The following SVEP1 variants were observed in gnomAD, a reference collection of about 807,000 sequenced individuals.
SVEP1 encodes sushi, von Willebrand factor type A, EGF and pentraxin domain-containing protein 1.
A neutral mutation model predicts 367.3 loss-of-function variants in SVEP1; 164 were observed. That is an observed-to-expected ratio of 0.45 (90% confidence interval 0.39 to 0.51). The LOEUF is 0.51. Ranked by LOEUF, SVEP1 falls within the 20% of genes least tolerant of loss-of-function variation. The pLI, the probability that SVEP1 is intolerant of heterozygous loss-of-function variation, is 0.00. For synonymous variants in SVEP1, 1,666 were observed against 1,611.6 expected (o/e 1.03, Z -0.81); for missense variants, 4,117 against 4,425.3 (o/e 0.93, Z 1.98).
intron 36 of SVEP1, among the ~76,000 whole-genome samples, chr9:110,412,159 G>A (rs1693579596): frequency 6.6e-6 from 1 of 152,200 alleles, no homozygotes; most frequent in South Asian, 2.1e-4. Context: ...AAGCTGTATA[G>A]TGCTATTTGA....
chr9:110,484,300 G>A (rs1474875680), intron 9 of SVEP1, among the ~76,000 whole-genome samples: 2 of 152,104 alleles, frequency 1.3e-5, no homozygotes, highest in African/African-American at 4.8e-5. Flanking sequence ...AGAAAAGAGT[G>A]GGAACCCGCA....
At position 110,375,541 on chromosome 9, in the gene SVEP1, G is replaced by A. The variant is rs1162621322; in HGVS notation, c.10505-78C>T. The A allele has an allele frequency of 1.4e-5, 18 of 1,272,422 alleles. No homozygotes were observed. The South Asian group carries it at 2.6e-4, about 19-fold the overall frequency. The allele number at this position is 1,272,422 out of a possible 1,614,324, so 78.8% of individuals were successfully genotyped here. On this transcript the variant is annotated intron_variant, in intron 45 of 47. Transcript: ENST00000374469. ...TTGATCAAAGTACACATCTTAGATA[G>A]GTTCAAGGGTTCAGAAAACATTTTG...
At position 110,579,269 on chromosome 9, in the gene SVEP1, G is replaced by T. The variant is rs752418570; in HGVS notation, c.275C>A (p.Ser92Tyr). ...LELVFLVDDS[S>Y]SVGEVNFRSE... ...GCGGAAGTTGACTTCGCCCACGCTG[G>T]ACGAATCATCCACCAGGAAGACAAG... The change falls in exon 1 of 48, where the codon TCC becomes TAC. Residue 92 changes from serine (S) to tyrosine (Y), a missense_variant. Ser to Tyr is a moderately radical substitution (Grantham distance 144). This residue lies in a region of SVEP1 where 161 missense variants were observed against 122.4 expected (regional missense o/e 1.32). Coordinates refer to ENST00000374469, the MANE Select transcript of SVEP1 (RefSeq NM_153366.4). This position sits in a 1 kb window ranked among gnomAD's most constrained non-coding sequence, Gnocchi z 5.3. 6 of 1,572,806 alleles carry T rather than the reference G, an allele frequency of 3.8e-6. No individual in the cohort carries two copies. The highest frequency in any genetic ancestry group is 3.5e-5 in the South Asian group (3 of 85,678).
intron 1 of SVEP1, among the ~76,000 whole-genome samples, chr9:110,563,456 AAAGT>A (rs1297226743): frequency 6.6e-6 from 1 of 152,228 alleles, no homozygotes; most frequent in East Asian, 1.9e-4. Context: ...ATAGAAGAAG[AAAGT>A]TAGTAAAGAC....
intron 2 of SVEP1, among the ~76,000 whole-genome samples, chr9:110,548,682 T>C (rs957979974): frequency 7.2e-5 from 11 of 152,188 alleles, no homozygotes; most frequent in African/African-American, 1.7e-4. Context: ...GCCTGGAACT[T>C]AGATCCAAAC....
At chr9:110,534,941 G>C (rs1271378437) in intron 3 of SVEP1, among the ~76,000 whole-genome samples, 1 of 151,966 alleles carries the variant, frequency 6.6e-6, no homozygotes, top group African/African-American at 2.4e-5. Flanking sequence ...TGCAGCATTT[G>C]CAAATATTTT....
chr9:110,451,237 G>T, intron 23 of SVEP1, 52 bp downstream of exon 23: 1 of 1,394,032 alleles, frequency 7.2e-7, no homozygotes, highest in South Asian at 1.2e-5. Flanking sequence ...GTACTAATTT[G>T]TGGTGGTTTA....
chr9:110,546,013 A>G (rs1042585092), intron 3 of SVEP1, 102 bp downstream of exon 3: 1 of 1,371,716 alleles, frequency 7.3e-7, no homozygotes, highest in African/African-American at 1.4e-5. Context: ...GACCCCACAC[A>G]CTAATGAGCA....
intron 5 of SVEP1, among the ~76,000 whole-genome samples, chr9:110,511,696 G>C (rs979835293): frequency 6.6e-6 from 1 of 151,654 alleles, no homozygotes; most frequent in Admixed American, 6.6e-5. Context: ...GTCTTTTGGG[G>C]ATACCATGTA....
At chr9:110,488,766 T>C (rs1056368720) in intron 9 of SVEP1, among the ~76,000 whole-genome samples, 4 of 151,962 alleles carry the variant, frequency 2.6e-5, no homozygotes, top group Non-Finnish European at 5.9e-5. Context: ...CCCAGCTATT[T>C]GGAAGGCTAA....
chr9:110,483,946 T>C (rs765911709), intron 9 of SVEP1, among the ~76,000 whole-genome samples: 16 of 152,020 alleles, frequency 1.1e-4, no homozygotes, highest in Non-Finnish European at 2.1e-4. Context: ...TGGTCACAAG[T>C]GTGTGAAAGG....
intron 3 of SVEP1, among the ~76,000 whole-genome samples, chr9:110,519,773 A>G (rs775975547): frequency 5.3e-5 from 8 of 152,142 alleles, no homozygotes; most frequent in Non-Finnish European, 7.4e-5. Context: ...CTAACAACAG[A>G]ATGAAGTGAA....
rs116108399 is a variant in SVEP1, at chr9:110,528,404, T to A, written c.965-14298A>T. 4.6e-3 allele frequency among the ~76,000 whole-genome samples: 705 copies of A among 151,832 alleles called. 4 individuals are homozygous for A. Among genetic ancestry groups the A allele is most frequent in the African/African-American group, 0.016 (657 of 41,450 alleles). On this transcript the variant is annotated intron_variant, in intron 3 of 47. Transcript: ENST00000374469. ...TCCATACTGTTTTCCATAGAGGTTT[T>A]ACTACTTTACATTTCCAATAGCAGT... is the stretch of plus-strand genomic sequence containing the variant.
chr9:110,498,894 G>T, intron 7 of SVEP1, 147 bp downstream of exon 7: 1 of 554,126 alleles, frequency 1.8e-6, no homozygotes, highest in Non-Finnish European at 2.8e-6. Context: ...CTTTCAACCA[G>T]AAATCCTCAT....
At chr9:110,398,943 T>C (rs749331182) in intron 40 of SVEP1, among the ~76,000 whole-genome samples, 8 of 152,282 alleles carry the variant, frequency 5.3e-5, no homozygotes, top group Non-Finnish European at 1.2e-4. Flanking sequence ...GTGGCGATTC[T>C]TCAGGGATCT....
intron 46 of SVEP1, among the ~76,000 whole-genome samples, chr9:110,371,010 C>G (rs1217242826): frequency 1.3e-5 from 2 of 152,198 alleles, no homozygotes; most frequent in African/African-American, 4.8e-5. Flanking sequence ...AAAATGTCTG[C>G]TAAGCAAGTA....
At chr9:110,386,218 G>T in intron 42 of SVEP1, 144 bp from the exon 43 acceptor site, 1 of 809,530 alleles carries the variant, frequency 1.2e-6, no homozygotes, top group Non-Finnish European at 1.8e-6. Flanking sequence ...CCAAACATTA[G>T]ACACAGACTT....
chr9:110,481,251 C>G lies in SVEP1; in HGVS notation c.2356G>C (p.Asp786His). ...WKPTYTTEWP[D>H]CAKKRFANHG... Reference sequence around the variant, plus strand: ...TAAAATTAAAACTTACTGGCACAGTCTGGCCATTCAGTGGTATATGTTGGT... The same window carrying G: ...TAAAATTAAAACTTACTGGCACAGTGTGGCCATTCAGTGGTATATGTTGGT... Residue 786 changes from aspartate to histidine, a missense_variant, in exon 12 of 48, where the codon GAC becomes CAC. Asp to His is a moderately conservative substitution (Grantham distance 81). Coordinates refer to ENST00000374469, the MANE Select transcript of SVEP1 (RefSeq NM_153366.4). The G allele has an allele frequency of 1.3e-6, 2 of 1,575,944 alleles. No homozygotes were observed. The highest frequency in any genetic ancestry group is 1.2e-5 in the South Asian group (1 of 84,280).
intron 12 of SVEP1, among the ~76,000 whole-genome samples, chr9:110,480,841 C>T (rs1057162492): frequency 1.3e-5 from 2 of 151,776 alleles, no homozygotes; most frequent in African/African-American, 2.4e-5. Context: ...AGGCTGGTCT[C>T]GAACTCTTGG....
Sources: gnomAD v4.1 joint callset for allele counts (sites outside exome capture counted in the v4.1 genomes callset) on GRCh38, gnomAD v4.1.1 for gene constraint, gnomAD v4.1.1 regional missense constraint, Gnocchi (gnomAD v3.1) non-coding constraint, MANE v1.5 for transcripts, NCBI Gene and HGNC (gene_info 2026-07-23, HGNC 2026-07-21) for gene names.